The following RGS6 variants were observed in gnomAD, a reference collection of about 807,000 sequenced individuals.
RGS6 encodes regulator of G-protein signaling 6.
Under a neutral mutation model 78.5 loss-of-function variants are expected in RGS6, and 30 were observed. That is an observed-to-expected ratio of 0.38 (90% CI 0.29 to 0.52). The LOEUF (loss-of-function observed/expected upper bound fraction) is 0.52. RGS6 is among the 20% of genes least tolerant of loss of function. The probability of loss-of-function intolerance (pLI) is 0.85; values close to 1 mark genes in which losing one functional copy is unlikely to be tolerated. For missense variants in RGS6, 495 were observed against 609.7 expected (o/e 0.81, Z 1.98); for synonymous variants, 206 against 206.0 (o/e 1.00, Z 0.00).
chr14:72,517,080 G>A (rs1296415122), intron 14 of RGS6, among the ~76,000 whole-genome samples: 2 of 151,120 alleles, frequency 1.3e-5, no homozygotes, highest in Admixed American at 6.6e-5. Flanking sequence ...TTTGGGCCAT[G>A]CACTTGGCTC....
At chr14:72,585,356 G>C in the RGS6 span, among the ~76,000 whole-genome samples, 1 of 152,186 alleles carries the variant, frequency 6.6e-6, no homozygotes, top group Non-Finnish European at 1.5e-5. Flanking sequence ...AGTTTCCTGA[G>C]GAGCAGACTC....
chr14:72,360,961 G>A (rs115230794), intron 3 of RGS6, among the ~76,000 whole-genome samples: 4,452 of 152,112 alleles, frequency 0.029, 192 homozygotes, highest in African/African-American at 0.1. Context: ...GTGTTTGACA[G>A]TTTCTTCTTC....
intron 3 of RGS6, among the ~76,000 whole-genome samples, chr14:72,365,723 T>A (rs909200978): frequency 2.6e-5 from 4 of 152,148 alleles, no homozygotes; most frequent in African/African-American, 9.6e-5. Flanking sequence ...ATTGGTTACA[T>A]CTTTATTAAT....
At chr14:72,574,651 C>T in the RGS6 span, among the ~76,000 whole-genome samples, 1 of 152,176 alleles carries the variant, frequency 6.6e-6, no homozygotes. Flanking sequence ...GATACAGATA[C>T]GTAACCAACC....
intron 2 of RGS6, among the ~76,000 whole-genome samples, chr14:72,304,694 T>A (rs1261507199): frequency 6.6e-6 from 1 of 151,810 alleles, no homozygotes; most frequent in Non-Finnish European, 1.5e-5. Context: ...GCCTGACCAA[T>A]ATGGTAAAAC....
At chr14:72,569,656 CAG>C (rs1263218323), downstream of RGS6, among the ~76,000 whole-genome samples, 5 of 139,270 alleles carry the variant, frequency 3.6e-5, no homozygotes, top group African/African-American at 1.1e-4. Flanking sequence ...GGCTGGGCGA[CAG>C]AGTGAGACTT....
chr14:72,569,064 G>C (rs1169098354), downstream of RGS6, among the ~76,000 whole-genome samples: 8 of 152,112 alleles, frequency 5.3e-5, no homozygotes, highest in African/African-American at 1.9e-4. Context: ...ACCCTCAGTA[G>C]AGAACAGTGA....
intron 2 of RGS6, among the ~76,000 whole-genome samples, chr14:72,017,387 T>A (rs977443922): frequency 6.6e-6 from 1 of 152,202 alleles, no homozygotes; most frequent in African/African-American, 2.4e-5. Context: ...TAATGACAGG[T>A]CTTTTCCTTT....
At chr14:72,084,567 C>G (rs77506610) in intron 2 of RGS6, among the ~76,000 whole-genome samples, 1 of 152,094 alleles carries the variant, frequency 6.6e-6, no homozygotes, top group Non-Finnish European at 1.5e-5. Flanking sequence ...TGCAATTCCC[C>G]GTAACTCAGA....
At chr14:72,327,672 C>T (rs1249336120) in intron 2 of RGS6, among the ~76,000 whole-genome samples, 3 of 152,208 alleles carry the variant, frequency 2.0e-5, no homozygotes, top group African/African-American at 7.2e-5. Flanking sequence ...ATTTGAAGGA[C>T]TAAAGCTGCT....
chr14:72,136,358 T>G (rs974487988), intron 2 of RGS6, among the ~76,000 whole-genome samples: 6 of 151,854 alleles, frequency 4.0e-5, no homozygotes, highest in African/African-American at 1.4e-4. Flanking sequence ...AAAAAAAACT[T>G]GTATTAGTCT....
rs112837884 is a variant in RGS6 at position 72,505,965 on chromosome 14, T to G, written c.966-4189T>G. On this transcript the variant is annotated intron_variant, in intron 13 of 17. Transcript: ENST00000553525. ...CAGCAGAAATGAAAGACAGACACCC[T>G]TGGAGAGCTTTGCTATGTGTTGGTT... Among the ~76,000 whole-genome samples the G allele has an allele frequency of 5.2e-3, 787 of 152,320 alleles. 8 individuals carry two copies. Among genetic ancestry groups the G allele is most frequent in the African/African-American group, 0.018 (748 of 41,566 alleles).
chr14:72,463,509 G>C (rs1247466848), intron 6 of RGS6, among the ~76,000 whole-genome samples: 1 of 152,224 alleles, frequency 6.6e-6, no homozygotes, highest in African/African-American at 2.4e-5. Context: ...AGTGGCCCCA[G>C]CTCTGCATTC....
At chr14:72,258,443 G>C (rs566535734) in intron 2 of RGS6, among the ~76,000 whole-genome samples, 1 of 152,330 alleles carries the variant, frequency 6.6e-6, no homozygotes, top group African/African-American at 2.4e-5. Flanking sequence ...TTCCTAAAGT[G>C]ATCACACTGT....
chr14:72,238,732 A>C (rs2051877363), intron 2 of RGS6, among the ~76,000 whole-genome samples: 1 of 152,150 alleles, frequency 6.6e-6, no homozygotes, highest in South Asian at 2.1e-4. Flanking sequence ...GAGGTTCCTG[A>C]GTCTCTCTTT....
chr14:72,490,027 C>T (rs2096556786), intron 12 of RGS6, among the ~76,000 whole-genome samples: 1 of 152,170 alleles, frequency 6.6e-6, no homozygotes, highest in African/African-American at 2.4e-5. Flanking sequence ...TGCTTTCTTA[C>T]AGCTCCCTTG....
intron 1 of RGS6, among the ~76,000 whole-genome samples, chr14:71,952,064 G>A (rs1341651541): frequency 1.3e-5 from 2 of 152,034 alleles, no homozygotes; most frequent in Admixed American, 6.6e-5. Flanking sequence ...TAAATTACTT[G>A]TAAAAGAGTT....
chr14:72,268,110 C>A (rs2059354458), intron 2 of RGS6, among the ~76,000 whole-genome samples: 1 of 152,174 alleles, frequency 6.6e-6, no homozygotes, highest in East Asian at 1.9e-4. Flanking sequence ...TTGAAATTTT[C>A]CTGACATTTT....
At chr14:72,198,678 A>G (rs1031286848) in intron 2 of RGS6, among the ~76,000 whole-genome samples, 9 of 152,238 alleles carry the variant, frequency 5.9e-5, no homozygotes, top group Non-Finnish European at 1.2e-4. Flanking sequence ...AGGTGGAGAA[A>G]CAGGCTCAGA....
Sources: allele counts gnomAD v4.1 joint callset (sites outside exome capture counted in the v4.1 genomes callset), GRCh38; gene constraint gnomAD v4.1.1; transcripts MANE v1.5; gene names NCBI Gene and HGNC (gene_info 2026-07-23, HGNC 2026-07-21).